SLC44A5: variants seen among roughly 807,000 people sequenced by gnomAD.
SLC44A5 encodes solute carrier family 44 member 5.
In SLC44A5, 57 loss-of-function variants were observed where a neutral mutation model predicts 101.8. That is an observed-to-expected ratio of 0.56 (90% CI 0.45 to 0.70). The LOEUF (loss-of-function observed/expected upper bound fraction) is 0.70. SLC44A5 is among the 30% of genes least tolerant of loss of function. The pLI is 0.00. For missense variants in SLC44A5, 737 were observed against 853.1 expected (o/e 0.86, Z 1.70); for synonymous variants, 281 against 290.9 (o/e 0.97, Z 0.35).
intron 6 of SLC44A5, among the ~76,000 whole-genome samples, chr1:75,254,269 C>A (rs1649828600): frequency 6.6e-6 from 1 of 152,050 alleles, no homozygotes; most frequent in South Asian, 2.1e-4. Flanking sequence ...AAACTCCTGA[C>A]CTCAGGTGAT....
chr1:75,592,657 A>G (rs1674416464), intron 1 of SLC44A5, among the ~76,000 whole-genome samples: 1 of 152,144 alleles, frequency 6.6e-6, no homozygotes, highest in South Asian at 2.1e-4. Flanking sequence ...ACATAGAGTA[A>G]CGGAACAGAA....
At chr1:75,648,345 A>G in the SLC44A5 span, among the ~76,000 whole-genome samples, 1 of 152,162 alleles carries the variant, frequency 6.6e-6, no homozygotes, top group Non-Finnish European at 1.5e-5. Flanking sequence ...TAAATTACCC[A>G]GTTTTGGACA....
At chr1:75,403,672 C>T (rs1215350611) in intron 2 of SLC44A5, among the ~76,000 whole-genome samples, 1 of 152,028 alleles carries the variant, frequency 6.6e-6, no homozygotes, top group African/African-American at 2.4e-5. Context: ...AAAGGATGCC[C>T]ACACAAAAAC....
At chr1:75,398,444 A>G in intron 2 of SLC44A5, 2 of 963,742 alleles carry the variant, frequency 2.1e-6, no homozygotes, top group Non-Finnish European at 2.5e-6. Context: ...GGAGAAGGGA[A>G]CTGGTAGTTA....
chr1:75,518,512 G>T (rs1286150420), intron 2 of SLC44A5, among the ~76,000 whole-genome samples: 2 of 152,074 alleles, frequency 1.3e-5, no homozygotes, highest in African/African-American at 2.4e-5. Context: ...CAGCACTGTA[G>T]TTGATCCATA....
At chr1:75,578,429 GA>G (rs1454502221) in intron 1 of SLC44A5, among the ~76,000 whole-genome samples, 9 of 151,964 alleles carry the variant, frequency 5.9e-5, no homozygotes, top group Non-Finnish European at 1.5e-5. Flanking sequence ...ACAGATGATT[GA>G]TAGATAGATA....
At chr1:75,248,937 C>A (rs1046237570) in intron 7 of SLC44A5, among the ~76,000 whole-genome samples, 4 of 152,038 alleles carry the variant, frequency 2.6e-5, no homozygotes, top group Admixed American at 1.3e-4. Context: ...AGATGCAAAC[C>A]TGAGGGAGCT....
chr1:75,669,287 TTCCAAGCCTGACATGTGGATTCCC>T, the SLC44A5 span, among the ~76,000 whole-genome samples: 1 of 152,168 alleles, frequency 6.6e-6, no homozygotes, highest in African/African-American at 2.4e-5. Flanking sequence ...CATTCCTGAA[TTCCAAGCCTGACATGTGGATTCCC>T]TATACCCAAG....
chr1:75,661,884 G>C, the SLC44A5 span, among the ~76,000 whole-genome samples: 1 of 151,940 alleles, frequency 6.6e-6, no homozygotes, highest in African/African-American at 2.4e-5. Context: ...GGGAATGCTC[G>C]TGCATGGTTG....
At chr1:75,547,616 G>A (rs994520443) in intron 1 of SLC44A5, among the ~76,000 whole-genome samples, 1 of 152,156 alleles carries the variant, frequency 6.6e-6, no homozygotes, top group African/African-American at 2.4e-5. Flanking sequence ...GTCTTTGTTG[G>A]ACCAAAGAAC....
the SLC44A5 span, among the ~76,000 whole-genome samples, chr1:75,669,192 A>G: frequency 6.6e-6 from 1 of 151,508 alleles, no homozygotes; most frequent in Non-Finnish European, 1.5e-5. Context: ...CATAGCTGGA[A>G]GATAAAAAAA....
intron 2 of SLC44A5, among the ~76,000 whole-genome samples, chr1:75,498,414 T>C (rs1668783634): frequency 6.6e-6 from 1 of 152,162 alleles, no homozygotes; most frequent in Non-Finnish European, 1.5e-5. Context: ...ATTACTTCAG[T>C]CCATTTAATC....
intron 2 of SLC44A5, among the ~76,000 whole-genome samples, chr1:75,496,988 T>A (rs1668711851): frequency 1.3e-5 from 2 of 152,014 alleles, no homozygotes; most frequent in Admixed American, 6.6e-5. Context: ...AATAAGTGTT[T>A]ATGAGAATGT....
intron 1 of SLC44A5, among the ~76,000 whole-genome samples, chr1:75,593,633 C>T (rs1385964094): frequency 6.6e-6 from 1 of 152,052 alleles, no homozygotes; most frequent in Non-Finnish European, 1.5e-5. Flanking sequence ...GGGACATATA[C>T]ACAATGGAGT....
rs529212961 is a variant in SLC44A5 at position 75,540,833 on chromosome 1, G to A, written c.13+602C>T. ...TCAAAAGTCAAAGACTAAGTCCGAA[G>A]AAGGTAAAAAGATGGATAAGACCTA... On this transcript the variant is annotated intron_variant, in intron 2 of 23. Transcript: ENST00000370859. 2.0e-5 allele frequency among the ~76,000 whole-genome samples: 3 copies of A among 152,230 alleles called. No individual in the cohort carries two copies. In the South Asian group the frequency reaches 6.2e-4, roughly 32 times the overall value.
At chr1:75,296,948 T>C (rs545602412) in intron 5 of SLC44A5, among the ~76,000 whole-genome samples, 2 of 152,300 alleles carry the variant, frequency 1.3e-5, no homozygotes, top group East Asian at 3.9e-4. Flanking sequence ...AGGTGTTGAC[T>C]GGGGCTTCAG....
At chr1:75,576,122 G>GGA (rs1192412386) in intron 1 of SLC44A5, among the ~76,000 whole-genome samples, 2 of 150,832 alleles carry the variant, frequency 1.3e-5, no homozygotes, top group Non-Finnish European at 3.0e-5. Flanking sequence ...GCGGGGAGTG[G>GGA]GAGAGAGAGA....
In SLC44A5 at chr1:75,396,444, CA is replaced by C. The variant is rs973734610; in HGVS notation, c.52+138del. 44 of 717,160 alleles carry C rather than the reference CA, an allele frequency of 6.1e-5. No homozygotes were observed. In the African/African-American group the frequency reaches 7.1e-4, roughly 12 times the overall value. The allele number at this position is 717,160 out of a possible 1,614,324, so 44.4% of individuals were successfully genotyped here. Reference sequence around the variant, plus strand: ...GAAACAGACAGTTGAAAGAAGAATCCAAAAAAAGCTTCAGTCAGCAATTATT... The same window carrying C: ...GAAACAGACAGTTGAAAGAAGAATCCAAAAAAGCTTCAGTCAGCAATTATT... On this transcript the variant is annotated intron_variant, in intron 3 of 23. Coordinates refer to ENST00000370859, the MANE Select transcript of SLC44A5 (RefSeq NM_001130058.2).
chr1:75,528,880 C>T (rs551221069), intron 2 of SLC44A5, among the ~76,000 whole-genome samples: 5 of 152,272 alleles, frequency 3.3e-5, no homozygotes, highest in Non-Finnish European at 7.4e-5. Flanking sequence ...TGCCCCAACT[C>T]CTCTTGGTCT....
Sources: gnomAD v4.1 joint callset for allele counts (sites outside exome capture counted in the v4.1 genomes callset) on GRCh38, gnomAD v4.1.1 for gene constraint, MANE v1.5 for transcripts, NCBI Gene and HGNC (gene_info 2026-07-23, HGNC 2026-07-21) for gene names.